The following TOGARAM2 variants were observed in gnomAD, a reference collection of about 807,000 sequenced individuals.
TOGARAM2 encodes TOG array regulator of axonemal microtubules protein 2.
TOGARAM2 carries 85 observed loss-of-function variants against 93.3 expected under a neutral mutation model. That is an observed-to-expected ratio of 0.91 (90% CI 0.76 to 1.09). The LOEUF is 1.09. Ranked by LOEUF, TOGARAM2 falls within the 50% of genes least tolerant of loss-of-function variation. TOGARAM2 has a pLI of 0.00. For missense variants in TOGARAM2, 1,277 were observed against 1,334.5 expected, an observed-to-expected ratio of 0.96 and a Z score of 0.67; for synonymous variants, 593 against 552.8, an observed-to-expected ratio of 1.07 and a Z score of -1.02.
At chr2:28,998,646 T>C (rs1673119565) in intron 3 of TOGARAM2, among the ~76,000 whole-genome samples, 1 of 152,190 alleles carries the variant, frequency 6.6e-6, no homozygotes. Flanking sequence ...CCCACCTGTC[T>C]GAATGCTCCC....
intron 10 of TOGARAM2, among the ~76,000 whole-genome samples, chr2:29,021,247 A>T (rs1198642239): frequency 6.6e-6 from 1 of 152,024 alleles, no homozygotes; most frequent in Non-Finnish European, 1.5e-5. Context: ...CTTCCTCTCC[A>T]CTCAGACTTG....
intron 18 of TOGARAM2, among the ~76,000 whole-genome samples, chr2:29,043,112 ACAGG>A (rs1666532383): frequency 6.6e-6 from 1 of 152,226 alleles, no homozygotes; most frequent in African/African-American, 2.4e-5. Context: ...CTGGAAACAA[ACAGG>A]TGCCATTCAT....
At position 29,045,354 on chromosome 2, in the gene TOGARAM2, G is replaced by T; in HGVS notation, c.2666G>T (p.Gly889Val). The T allele has an allele frequency of 6.2e-7, 1 of 1,613,654 alleles. No individual in the cohort carries two copies. The highest frequency in any genetic ancestry group is 8.5e-7 in the Non-Finnish European group (1 of 1,179,880). ...DNLCLLPALA[G>V]RVRFLSGRAV... ...CTTTGCCTTCTACCAGCGCTTGCTGGGCGAGTGCGTTTCCTGAGTGGCCGT... is the reference window on the plus strand; with the variant it reads ...CTTTGCCTTCTACCAGCGCTTGCTGTGCGAGTGCGTTTCCTGAGTGGCCGT... Residue 889 changes from glycine to valine, a missense_variant, in exon 19 of 20, where the codon GGG becomes GTG. By Grantham distance (109) the Gly-to-Val change is moderately radical. Transcript: ENST00000379558.
intron 4 of TOGARAM2, among the ~76,000 whole-genome samples, chr2:29,001,638 C>T (rs1436377087): frequency 1.2e-4 from 19 of 152,100 alleles, no homozygotes; most frequent in Admixed American, 1.1e-3. Flanking sequence ...GTAGCTGGGA[C>T]TACAGGCATG....
chr2:28,969,811 C>A (rs1572617716), intron 1 of TOGARAM2, among the ~76,000 whole-genome samples: 1 of 97,252 alleles, frequency 1.0e-5, no homozygotes, highest in African/African-American at 3.6e-5. Flanking sequence ...CGGTTGTCTT[C>A]CTTTTTTTTT....
intron 13 of TOGARAM2, among the ~76,000 whole-genome samples, chr2:29,025,076 C>T (rs887742391): frequency 6.6e-6 from 1 of 152,156 alleles, no homozygotes; most frequent in Non-Finnish European, 1.5e-5. Context: ...TACACTGATG[C>T]GTGAGGTTTC....
At position 29,049,012 on chromosome 2, in the gene TOGARAM2, T is replaced by G. The variant is rs1255158963; in HGVS notation, c.2723-2744T>G. The G allele has an allele frequency of 2.7e-5, 4 of 150,036 alleles. No individual in the cohort carries two copies. The East Asian group carries it at 7.8e-4, about 29-fold the overall frequency. 9.3% of individuals were successfully genotyped at this position (150,036 alleles called of 1,614,324 possible). On this transcript the variant is annotated intron_variant, in intron 19 of 19. Coordinates refer to ENST00000379558, the MANE Select transcript of TOGARAM2 (RefSeq NM_199280.4). ...CTGGGATTACAGTCACGCACCACTATGCCCAGCTAATTTTTGTATTTTTTT... is the reference window on the plus strand; with the variant it reads ...CTGGGATTACAGTCACGCACCACTAGGCCCAGCTAATTTTTGTATTTTTTT...
intron 18 of TOGARAM2, among the ~76,000 whole-genome samples, chr2:29,039,069 G>T (rs1666281660): frequency 6.6e-6 from 1 of 152,190 alleles, no homozygotes; most frequent in Non-Finnish European, 1.5e-5. Context: ...AGGGGATTGG[G>T]TGATAGCAGC....
At chr2:29,033,424 G>C in intron 15 of TOGARAM2, 45 bp from the exon 16 acceptor site, 1 of 1,548,388 alleles carries the variant, frequency 6.5e-7, no homozygotes, top group South Asian at 1.2e-5. Context: ...CATTTCCCTG[G>C]AGGGCCACTC....
At chr2:28,990,478 G>A (rs116621966) in intron 1 of TOGARAM2, among the ~76,000 whole-genome samples, 4,318 of 152,174 alleles carry the variant, frequency 0.028, 184 homozygotes, top group African/African-American at 0.092. Flanking sequence ...CCCGCTCCCC[G>A]GGCCTGGATC....
intron 1 of TOGARAM2, among the ~76,000 whole-genome samples, chr2:28,982,454 C>A (rs369259003): frequency 2.6e-5 from 4 of 152,164 alleles, no homozygotes. Flanking sequence ...GGCCCATAAT[C>A]GCTTCTATCC....
chr2:29,005,357 CG>C (rs1673660826), intron 6 of TOGARAM2, among the ~76,000 whole-genome samples: 1 of 100,730 alleles, frequency 9.9e-6, no homozygotes, highest in Non-Finnish European at 2.0e-5. Flanking sequence ...ATGTGTGGAG[CG>C]TATGTGTGAG....
At chr2:28,988,021 A>T (rs978138426) in intron 1 of TOGARAM2, among the ~76,000 whole-genome samples, 5 of 152,154 alleles carry the variant, frequency 3.3e-5, no homozygotes, top group South Asian at 2.1e-4. Flanking sequence ...GTTGAGGGTC[A>T]GTGTGGAAAC....
chr2:28,987,361 T>C (rs1339599264), intron 1 of TOGARAM2, among the ~76,000 whole-genome samples: 5 of 152,014 alleles, frequency 3.3e-5, no homozygotes, highest in Non-Finnish European at 5.9e-5. Flanking sequence ...ATGATCTCGG[T>C]TCACTGCAAA....
intron 1 of TOGARAM2, among the ~76,000 whole-genome samples, chr2:28,970,631 G>A (rs1042049910): frequency 2.6e-5 from 4 of 152,150 alleles, no homozygotes; most frequent in Admixed American, 1.3e-4. Context: ...TCTCCCTGGC[G>A]GTGAGGGCCA....
chr2:29,022,061 G>A (rs1431615066), intron 10 of TOGARAM2, 97 bp from the exon 11 acceptor site: 5 of 1,531,002 alleles, frequency 3.3e-6, no homozygotes, highest in Admixed American at 1.7e-5. Context: ...TCAGGGTGGT[G>A]GCACGGCCTC....
intron 1 of TOGARAM2, among the ~76,000 whole-genome samples, chr2:28,992,476 A>T (rs543814540): frequency 1.3e-5 from 2 of 151,978 alleles, no homozygotes; most frequent in Non-Finnish European, 2.9e-5. Flanking sequence ...ACCAGGGGGA[A>T]CCTGGGCTGC....
intron 1 of TOGARAM2, among the ~76,000 whole-genome samples, chr2:28,993,392 G>T (rs1012303010): frequency 1.3e-5 from 2 of 152,150 alleles, no homozygotes; most frequent in Non-Finnish European, 2.9e-5. Flanking sequence ...ATTCCTGCTG[G>T]ACTTTGTCTG....
chr2:29,047,556 C>T (rs1472144271), intron 19 of TOGARAM2: 1 of 152,252 alleles, frequency 6.6e-6, no homozygotes, highest in African/African-American at 2.4e-5. Context: ...TCAGCTGCTT[C>T]TAAGCTTGAG....
Sources: allele counts gnomAD v4.1 joint callset (sites outside exome capture counted in the v4.1 genomes callset), GRCh38; gene constraint gnomAD v4.1.1; transcripts MANE v1.5; gene names NCBI Gene and HGNC (gene_info 2026-07-23, HGNC 2026-07-21).